Variants in PRKG1 observed in about 807,000 individuals in gnomAD.
PRKG1 encodes cGMP-dependent protein kinase 1.
Under a neutral mutation model 88.1 loss-of-function variants are expected in PRKG1, and 35 were observed. That is an observed-to-expected ratio of 0.40 (90% CI 0.30 to 0.53). The LOEUF (loss-of-function observed/expected upper bound fraction) is 0.53. Ranked by LOEUF, PRKG1 falls within the 20% of genes least tolerant of loss-of-function variation. The pLI is 0.59. For synonymous variants in PRKG1, 303 were observed against 292.5 expected, an observed-to-expected ratio of 1.04 and a Z score of -0.37; for missense variants, 540 against 839.8, an observed-to-expected ratio of 0.64 and a Z score of 4.41.
chr10:51,997,123 G>A (rs953909193), intron 5 of PRKG1, among the ~76,000 whole-genome samples: 6 of 152,064 alleles, frequency 3.9e-5, no homozygotes, highest in African/African-American at 1.2e-4. Flanking sequence ...GGATGCTTGG[G>A]GGGTAGAGGG....
chr10:51,111,161 C>T (rs938140745), intron 1 of PRKG1, among the ~76,000 whole-genome samples: 2 of 152,154 alleles, frequency 1.3e-5, no homozygotes, highest in Middle Eastern at 3.4e-3. Context: ...TGTGGAGAGC[C>T]TTGCATTTTA....
chr10:51,433,798 C>A (rs2132730676), intron 2 of PRKG1, among the ~76,000 whole-genome samples: 1 of 152,218 alleles, frequency 6.6e-6, no homozygotes, highest in East Asian at 1.9e-4. Flanking sequence ...ACAGAATATG[C>A]AGACACAATG....
chr10:51,752,997 T>C (rs1837765535), intron 3 of PRKG1, among the ~76,000 whole-genome samples: 1 of 152,106 alleles, frequency 6.6e-6, no homozygotes, highest in African/African-American at 2.4e-5. Flanking sequence ...TTAAGATGTC[T>C]CATAAACTAG....
At chr10:51,693,949 A>G (rs1442411745) in intron 3 of PRKG1, among the ~76,000 whole-genome samples, 1 of 152,174 alleles carries the variant, frequency 6.6e-6, no homozygotes, top group Non-Finnish European at 1.5e-5. Flanking sequence ...AGCACATTAT[A>G]TAGTATGCCA....
chr10:52,282,439 T>A, intron 14 of PRKG1, 123 bp downstream of exon 14: 1 of 989,220 alleles, frequency 1.0e-6, no homozygotes, highest in Non-Finnish European at 1.4e-6. Flanking sequence ...TACCACAGTT[T>A]AATTAGTTAT....
intron 8 of PRKG1, among the ~76,000 whole-genome samples, chr10:52,144,617 C>A (rs979078399): frequency 1.3e-5 from 2 of 152,128 alleles, no homozygotes; most frequent in African/African-American, 2.4e-5. Context: ...TCGAGACCAG[C>A]CTGGCCAACA....
intron 5 of PRKG1, among the ~76,000 whole-genome samples, chr10:51,938,598 T>A (rs1842844117): frequency 6.6e-6 from 1 of 152,036 alleles, no homozygotes; most frequent in South Asian, 2.1e-4. Flanking sequence ...CTAATACATA[T>A]GTCATTTTTA....
chr10:51,214,778 C>T (rs143913723), intron 2 of PRKG1, among the ~76,000 whole-genome samples: 86 of 152,130 alleles, frequency 5.7e-4, no homozygotes, highest in African/African-American at 1.9e-3. Flanking sequence ...CAATCAGGCC[C>T]GGAGAACAGC....
At chr10:51,878,338 A>G (rs1314672504) in intron 4 of PRKG1, among the ~76,000 whole-genome samples, 2 of 152,042 alleles carry the variant, frequency 1.3e-5, no homozygotes, top group Admixed American at 6.6e-5. Context: ...TCAATATACT[A>G]TGTTGAACAG....
chr10:51,743,184 T>G (rs1222389005), intron 3 of PRKG1, among the ~76,000 whole-genome samples: 1 of 151,998 alleles, frequency 6.6e-6, no homozygotes, highest in African/African-American at 2.4e-5. Flanking sequence ...CGGGCCTATT[T>G]GAAAGGAATT....
intron 2 of PRKG1, among the ~76,000 whole-genome samples, chr10:51,382,802 G>T (rs924745778): frequency 2.0e-5 from 3 of 152,158 alleles, no homozygotes; most frequent in Admixed American, 1.3e-4. Context: ...CCTTCTCCAT[G>T]TGTCAACTTT....
At chr10:51,534,344 C>T (rs1362615803) in intron 3 of PRKG1, among the ~76,000 whole-genome samples, 1 of 151,920 alleles carries the variant, frequency 6.6e-6, no homozygotes, top group African/African-American at 2.4e-5. Flanking sequence ...TGAGAAATTG[C>T]CAATATTCAA....
At chr10:51,550,286 G>A (rs562776110) in intron 3 of PRKG1, among the ~76,000 whole-genome samples, 9 of 152,078 alleles carry the variant, frequency 5.9e-5, no homozygotes, top group African/African-American at 2.2e-4. Context: ...GATTAGTTAA[G>A]AAAACAAAAA....
intron 2 of PRKG1, among the ~76,000 whole-genome samples, chr10:51,227,144 A>G (rs1305840143): frequency 6.7e-6 from 1 of 150,036 alleles, no homozygotes; most frequent in African/African-American, 2.4e-5. Flanking sequence ...TATATATTAT[A>G]AATATATATG....
At chr10:51,812,122 A>G (rs1239951692) in intron 4 of PRKG1, among the ~76,000 whole-genome samples, 1 of 152,160 alleles carries the variant, frequency 6.6e-6, no homozygotes, top group Non-Finnish European at 1.5e-5. Flanking sequence ...ACACATCTTT[A>G]TTTATCAAAA....
At chr10:52,017,269 C>T (rs540869988) in intron 5 of PRKG1, among the ~76,000 whole-genome samples, 2 of 152,192 alleles carry the variant, frequency 1.3e-5, no homozygotes, top group African/African-American at 4.8e-5. Flanking sequence ...CTTCTCATTG[C>T]ATTATGGAGA....
chr10:51,036,210 C>T lies in PRKG1; in HGVS notation c.266+44566C>T, dbSNP rs1314940538. Among the ~76,000 whole-genome samples, 9 of 152,278 alleles carry T rather than the reference C, an allele frequency of 5.9e-5. No homozygotes were observed. The East Asian group carries it at 1.3e-3, about 23-fold the overall frequency. The stretch of plus-strand genomic sequence containing the variant: ...TTCTGTTTTTTCCTCTTTTTCTCCT[C>T]ATCAGTCAACATCCTCCATGAAAAA... On this transcript the variant is annotated intron_variant, in intron 1 of 17. Transcript: ENST00000401604.
chr10:51,108,521 A>C (rs1408045247), intron 1 of PRKG1, among the ~76,000 whole-genome samples: 1 of 152,192 alleles, frequency 6.6e-6, no homozygotes, highest in East Asian at 1.9e-4. Context: ...AAAACAAATC[A>C]AAAACACTAT....
intron 3 of PRKG1, among the ~76,000 whole-genome samples, chr10:51,789,904 C>T (rs1589288877): frequency 6.6e-6 from 1 of 152,012 alleles, no homozygotes; most frequent in Non-Finnish European, 1.5e-5. Flanking sequence ...TCACTGCAAC[C>T]TCTGCCTCCT....
Sources: allele counts gnomAD v4.1 joint callset (sites outside exome capture counted in the v4.1 genomes callset), GRCh38; gene constraint gnomAD v4.1.1; transcripts MANE v1.5; gene names NCBI Gene and HGNC (gene_info 2026-07-23, HGNC 2026-07-21).